COG6: variants seen among roughly 807,000 people sequenced by gnomAD.
COG6 encodes conserved oligomeric Golgi complex subunit 6.
COG6 carries 74 observed loss-of-function variants against 88.8 expected under a neutral mutation model. The observed-to-expected ratio is 0.83, with a 90% CI of 0.69 to 1.01. The LOEUF (loss-of-function observed/expected upper bound fraction) is 1.01, where lower values mean the gene tolerates loss of function less well. Among genes scored for constraint, COG6 ranks in the 50% least tolerant of loss-of-function variants. COG6 has a pLI of 0.00. For missense variants in COG6, 800 were observed against 797.9 expected (o/e 1.00, Z -0.03); for synonymous variants, 286 against 278.7 (o/e 1.03, Z -0.26).
chr13:39,745,070 C>A (rs1880267085), intron 18 of COG6, among the ~76,000 whole-genome samples: 1 of 152,300 alleles, frequency 6.6e-6, no homozygotes, highest in Middle Eastern at 3.4e-3. Context: ...CCCTTCCTTA[C>A]ACCTTATACA....
chr13:39,750,035 G>C (rs144117206), intron 18 of COG6, among the ~76,000 whole-genome samples: 265 of 152,290 alleles, frequency 1.7e-3, no homozygotes, highest in South Asian at 5.0e-3. Context: ...CTGAGCTGAA[G>C]TGATACAACA....
chr13:39,725,302 C>T (rs917579437), intron 17 of COG6, among the ~76,000 whole-genome samples: 1 of 151,846 alleles, frequency 6.6e-6, no homozygotes, highest in African/African-American at 2.4e-5. Context: ...CTTTAATCCT[C>T]ATGACAACCC....
intron 18 of COG6, among the ~76,000 whole-genome samples, chr13:39,747,429 T>A (rs932533927): frequency 6.6e-6 from 1 of 152,296 alleles, no homozygotes; most frequent in Admixed American, 6.5e-5. Flanking sequence ...CCTTATTCTT[T>A]GCTTTTTTTC....
In COG6 at chr13:39,659,425, G is replaced by A. The variant is rs748884193; in HGVS notation, c.215G>A (p.Arg72Gln). 2.5e-6 allele frequency: 4 copies of A among 1,613,464 alleles called. No individual in the cohort carries two copies. The highest frequency in any genetic ancestry group is 2.5e-6 in the Non-Finnish European group (3 of 1,179,726). The change falls in exon 2 of 19, where the codon CGA becomes CAA. Residue 72 changes from arginine to glutamine, a missense_variant. Physicochemically the swap from Arg to Gln is conservative, Grantham distance 43. Transcript: ENST00000455146. The stretch of plus-strand genomic sequence containing the variant: ...TTTGTTGAAAATAGTCTGCGGACTC[G>A]AAGAAATTTACGTGGAGATATTGAA... ...TFFVENSLRT[R>Q]RNLRGDIERK...
chr13:39,696,166 T>TATTG (rs1555277497), intron 12 of COG6, among the ~76,000 whole-genome samples: 1 of 1,420 alleles, frequency 7.0e-4, no homozygotes, highest in Admixed American at 0.019. Flanking sequence ...AATCTTTTTT[T>TATTG]ATTGATTGCA....
At chr13:39,744,901 G>A (rs894512083) in intron 18 of COG6, among the ~76,000 whole-genome samples, 1 of 152,150 alleles carries the variant, frequency 6.6e-6, no homozygotes, top group Non-Finnish European at 1.5e-5. Context: ...TATCAAAACA[G>A]AGATATAGAC....
intron 10 of COG6, among the ~76,000 whole-genome samples, chr13:39,688,781 C>A (rs1191905773): frequency 1.3e-5 from 2 of 152,148 alleles, no homozygotes; most frequent in African/African-American, 4.8e-5. Context: ...TCCAAATCTT[C>A]TTAGTTGTGA....
intron 8 of COG6, among the ~76,000 whole-genome samples, chr13:39,686,386 C>T (rs1267778408): frequency 1.3e-5 from 2 of 152,168 alleles, no homozygotes; most frequent in African/African-American, 4.8e-5. Flanking sequence ...ATGGGCACTC[C>T]AGAGAGCTCC....
chr13:39,769,763 G>T (rs551974399), intron 18 of COG6, among the ~76,000 whole-genome samples: 36 of 152,130 alleles, frequency 2.4e-4, no homozygotes, highest in Admixed American at 6.5e-4. Flanking sequence ...AGGTCATGTG[G>T]CTGGATCCCT....
chr13:39,738,080 C>T (rs1398609143), intron 18 of COG6, among the ~76,000 whole-genome samples: 1 of 152,116 alleles, frequency 6.6e-6, no homozygotes, highest in East Asian at 1.9e-4. Context: ...TTCTTATCCT[C>T]TTTAGTGCCT....
chr13:39,716,560 G>A lies in COG6; in HGVS notation c.1285-2676G>A, dbSNP rs116234556. On this transcript the variant is annotated intron_variant, in intron 13 of 18. Coordinates refer to ENST00000455146, the MANE Select transcript of COG6 (RefSeq NM_020751.3). Reference sequence around the variant, plus strand: ...CCCTTTTGTTTTCTGTATGTCTTAAGTGATTTTTTTTTCTCTGTGTCCCTG... The same window carrying A: ...CCCTTTTGTTTTCTGTATGTCTTAAATGATTTTTTTTTCTCTGTGTCCCTG... 5.0e-3 allele frequency among the ~76,000 whole-genome samples: 767 copies of A among 151,992 alleles called. 7 individuals are homozygous for A. The highest frequency in any genetic ancestry group is 0.017 in the African/African-American group (711 of 41,484).
chr13:39,699,763 G>T, intron 13 of COG6, 145 bp downstream of exon 13: 2 of 626,362 alleles, frequency 3.2e-6, no homozygotes, highest in Non-Finnish European at 5.8e-6. Flanking sequence ...TTCATTTTGA[G>T]ATGGCTTACT....
At position 39,751,418 on chromosome 13, in the gene COG6, G is replaced by C. The variant is rs754675343; in HGVS notation, c.*325G>C. On this transcript the variant is annotated 3_prime_UTR_variant, in exon 19 of 19. Coordinates refer to ENST00000455146, the MANE Select transcript of COG6 (RefSeq NM_020751.3). ...TGAAGAATTTTTTTTTACAAGACTA[G>C]TTCTAAATTAACAGCTTATAAAAAA... 1 of 1,294,686 alleles carries C rather than the reference G, an allele frequency of 7.7e-7. No homozygotes were observed. Among genetic ancestry groups the C allele is most frequent in the Admixed American group, 2.3e-5 (1 of 43,652 alleles). The allele number at this position is 1,294,686 out of a possible 1,614,324, so 80.2% of individuals were successfully genotyped here.
chr13:39,697,447 A>T (rs1362987367), intron 12 of COG6, among the ~76,000 whole-genome samples: 2 of 151,924 alleles, frequency 1.3e-5, no homozygotes, highest in Admixed American at 1.3e-4. Flanking sequence ...CAAAAGGAAG[A>T]TATAGAATCC....
At chr13:39,708,909 G>C (rs556853654) in intron 13 of COG6, among the ~76,000 whole-genome samples, 2 of 151,488 alleles carry the variant, frequency 1.3e-5, no homozygotes, top group Admixed American at 6.6e-5. Context: ...TTTGTGCTGC[G>C]ATGCAGGTAT....
chr13:39,782,648 A>G (rs1414844950), intron 18 of COG6, among the ~76,000 whole-genome samples: 1 of 152,182 alleles, frequency 6.6e-6, no homozygotes, highest in Non-Finnish European at 1.5e-5. Flanking sequence ...CTTGAACATG[A>G]GCACAAGCTG....
chr13:39,724,828 G>T (rs945189022), intron 17 of COG6, among the ~76,000 whole-genome samples: 6 of 151,680 alleles, frequency 4.0e-5, no homozygotes, highest in Non-Finnish European at 8.9e-5. Context: ...TTAGAGTTTT[G>T]TTCCTAATTT....
At chr13:39,659,295 T>G in intron 1 of COG6, 69 bp from the exon 2 acceptor site, 1 of 1,402,904 alleles carries the variant, frequency 7.1e-7, no homozygotes, top group Non-Finnish European at 1.0e-6. Flanking sequence ...TTTCATTACA[T>G]TTTGTCTTGA....
At chr13:39,749,925 T>C (rs1190254360) in intron 18 of COG6, among the ~76,000 whole-genome samples, 1 of 152,152 alleles carries the variant, frequency 6.6e-6, no homozygotes, top group East Asian at 1.9e-4. Context: ...AAGATTGATC[T>C]AACAACAGTG....
Sources: allele counts gnomAD v4.1 joint callset (sites outside exome capture counted in the v4.1 genomes callset), GRCh38; gene constraint gnomAD v4.1.1; transcripts MANE v1.5; gene names NCBI Gene and HGNC (gene_info 2026-07-23, HGNC 2026-07-21).